The following USH2A variants were observed in gnomAD, a reference collection of about 807,000 sequenced individuals.
USH2A encodes Usher syndrome 2A (autosomal recessive, mild).
In USH2A, 443 loss-of-function variants were observed where a neutral mutation model predicts 538.9. That is an observed-to-expected ratio of 0.82 (90% CI 0.76 to 0.89). USH2A has a LOEUF of 0.89. USH2A is among the 40% of genes least tolerant of loss of function. USH2A has a pLI of 0.00. For missense variants in USH2A, 6,633 were observed against 6,324.8 expected, an observed-to-expected ratio of 1.05 and a Z score of -1.65; for synonymous variants, 2,413 against 2,273.5, an observed-to-expected ratio of 1.06 and a Z score of -1.75.
At chr1:215,693,092 A>ATGTGTGTG (rs60566275) in intron 61 of USH2A, among the ~76,000 whole-genome samples, 20,120 of 130,894 alleles carry the variant, frequency 0.15, 1,871 homozygotes, top group South Asian at 0.4. Context: ...ATATATATAT[A>ATGTGTGTG]TGTGTGTGTG....
At chr1:215,650,884 C>T (rs565104287) in intron 64 of USH2A, 83 bp from the exon 65 acceptor site, 17 of 1,503,556 alleles carry the variant, frequency 1.1e-5, no homozygotes, top group Admixed American at 6.0e-5. Context: ...GGAAAAAAAA[C>T]GAAATTGGCA....
intron 35 of USH2A, among the ~76,000 whole-genome samples, chr1:215,981,148 T>C (rs1558193435): frequency 1.3e-5 from 2 of 152,144 alleles, no homozygotes; most frequent in Admixed American, 6.5e-5. Context: ...TGGTATCTTG[T>C]TTGGGTATTA....
At chr1:215,943,021 C>A (rs1666674556) in intron 37 of USH2A, among the ~76,000 whole-genome samples, 1 of 152,152 alleles carries the variant, frequency 6.6e-6, no homozygotes, top group Non-Finnish European at 1.5e-5. Flanking sequence ...TGCATCTTCG[C>A]ACCCTCTAGC....
chr1:215,867,068 T>C lies in USH2A; in HGVS notation c.8784A>G (p.Gly2928=), dbSNP rs113259323. Residue 2928 remains glycine, a synonymous_variant, in exon 44 of 72, where the codon GGA becomes GGG. Coordinates refer to ENST00000307340, the MANE Select transcript of USH2A (RefSeq NM_206933.4). The stretch of plus-strand genomic sequence containing the variant: ...TAAGGACACTCGCAGTGAGATTGGC[T>C]CCTCTCTCTGGAAGACCAGCTAACG... ...VTTLAGLPER[G]ANLTASVLNH... is the part of the protein sequence containing the mutation. The C allele has an allele frequency of 6.2e-7, 1 of 1,614,142 alleles. No homozygotes were observed. The highest frequency in any genetic ancestry group is 8.5e-7 in the Non-Finnish European group (1 of 1,180,016).
rs539365629 is a variant in USH2A, at chr1:215,938,603, G to A, written c.7121-3808C>T. On this transcript the variant is annotated intron_variant, in intron 37 of 71. Coordinates refer to ENST00000307340, the MANE Select transcript of USH2A (RefSeq NM_206933.4). Reference sequence around the variant, plus strand: ...TGTCCTATCGCAGGCGACCATTCCTGTCTGGTTGGCCCTCCAATCTGACCC... The same window carrying A: ...TGTCCTATCGCAGGCGACCATTCCTATCTGGTTGGCCCTCCAATCTGACCC... Among the ~76,000 whole-genome samples the A allele has an allele frequency of 5.3e-5, 8 of 152,232 alleles. No individual in the cohort carries two copies. The South Asian group carries it at 1.2e-3, about 24-fold the overall frequency.
intron 13 of USH2A, among the ~76,000 whole-genome samples, chr1:216,233,084 C>A (rs2035733468): frequency 6.6e-6 from 1 of 152,118 alleles, no homozygotes; most frequent in Admixed American, 6.6e-5. Context: ...TTGGACATTT[C>A]ACTTCTCTAT....
At chr1:215,864,058 G>C (rs80285854) in intron 44 of USH2A, among the ~76,000 whole-genome samples, 1 of 152,136 alleles carries the variant, frequency 6.6e-6, no homozygotes, top group Admixed American at 6.5e-5. Context: ...TAGTGAATCA[G>C]CTTCAAAGGA....
chr1:215,758,503 T>A (rs989295278), intron 58 of USH2A, 92 bp downstream of exon 58: 1 of 1,482,492 alleles, frequency 6.7e-7, no homozygotes, highest in Admixed American at 1.7e-5. Context: ...TATGTCTTTC[T>A]GATTTACTAA....
intron 35 of USH2A, among the ~76,000 whole-genome samples, chr1:215,972,191 G>A (rs1464608475): frequency 6.6e-6 from 1 of 152,146 alleles, no homozygotes; most frequent in Admixed American, 6.5e-5. Flanking sequence ...ACTGTGAGGA[G>A]GACAGAAGCA....
intron 63 of USH2A, among the ~76,000 whole-genome samples, chr1:215,671,741 A>G (rs1247182716): frequency 6.6e-6 from 1 of 152,184 alleles, no homozygotes; most frequent in Non-Finnish European, 1.5e-5. Context: ...CAGACCTTAG[A>G]AAGTATGAAG....
chr1:216,139,073 ATTAC>A (rs1348921680), intron 21 of USH2A, among the ~76,000 whole-genome samples: 1 of 151,844 alleles, frequency 6.6e-6, no homozygotes, highest in Non-Finnish European at 1.5e-5. Context: ...GCCCCATCTT[ATTAC>A]TTATTTACAT....
intron 67 of USH2A, among the ~76,000 whole-genome samples, chr1:215,643,971 G>C (rs1258984956): frequency 1.3e-5 from 2 of 152,186 alleles, no homozygotes; most frequent in Non-Finnish European, 2.9e-5. Context: ...TGGCTTTCTG[G>C]CCACATCAAC....
At position 215,625,688 on chromosome 1, in the gene USH2A, G is replaced by A. The variant is rs554947542; in HGVS notation, c.*93C>T. 6.7e-5 allele frequency: 79 copies of A among 1,171,456 alleles called. No individual in the cohort carries two copies. The African/African-American group carries it at 1.1e-3, about 16-fold the overall frequency. 72.6% of individuals were successfully genotyped at this position (1,171,456 alleles called of 1,614,324 possible). ...AAGAATTATAGGATAATAAACAATG[G>A]CTTTTCAGCATTTATGATGTGTGAG... On this transcript the variant is annotated 3_prime_UTR_variant, in exon 72 of 72. Transcript: ENST00000307340.
Position 215,877,768 on chromosome 1 carries a change from C to A in USH2A, c.8671G>T (p.Gly2891Cys), listed in dbSNP as rs1316891540. The change falls in exon 43 of 72, where the codon GGT becomes TGT. Residue 2891 changes from glycine to cysteine, a missense_variant. Transcript: ENST00000307340. ...TTTTTGTAATCTCACCTGCTAAGAC[C>A]CTTATCTTCATAAAGCCACTGAGTT... ...SGTQWLYEDK[G>C]LSRFTTYEYM... The A allele has an allele frequency of 1.9e-6, 3 of 1,613,632 alleles. No homozygotes were observed. Among genetic ancestry groups the A allele is most frequent in the Non-Finnish European group, 2.5e-6 (3 of 1,179,636 alleles).
chr1:216,284,928 A>G (rs1022765636), intron 11 of USH2A, among the ~76,000 whole-genome samples: 3 of 152,152 alleles, frequency 2.0e-5, no homozygotes, highest in Non-Finnish European at 4.4e-5. Context: ...TCCCCTGGAG[A>G]TCTGCAGAGC....
chr1:215,999,707 C>T lies in USH2A; in HGVS notation c.6486-649G>A, dbSNP rs547527126. Among the ~76,000 whole-genome samples the T allele has an allele frequency of 2.0e-5, 3 of 152,164 alleles. No individual in the cohort carries two copies. The South Asian group carries it at 6.2e-4, about 31-fold the overall frequency. On this transcript the variant is annotated intron_variant, in intron 33 of 71. Coordinates refer to ENST00000307340, the MANE Select transcript of USH2A (RefSeq NM_206933.4). The stretch of plus-strand genomic sequence containing the variant: ...CCTGAGTCGTGGGAAATCTTTTTGG[C>T]TAAGTAACGTGGCTTGGCTTAGGGG...
chr1:216,416,285 TTTAA>T (rs1276025049), intron 3 of USH2A, among the ~76,000 whole-genome samples: 2 of 152,192 alleles, frequency 1.3e-5, no homozygotes, highest in East Asian at 3.9e-4. Flanking sequence ...ATAATTGCTC[TTTAA>T]TTTTCATTTG....
chr1:215,713,288 C>T (rs1659391255), intron 61 of USH2A, among the ~76,000 whole-genome samples: 1 of 152,162 alleles, frequency 6.6e-6, no homozygotes. Context: ...AGAGGTGCTG[C>T]CTCTCTGCGG....
At chr1:216,017,416 T>C (rs746274025) in intron 32 of USH2A, among the ~76,000 whole-genome samples, 2 of 152,232 alleles carry the variant, frequency 1.3e-5, no homozygotes, top group Non-Finnish European at 2.9e-5. Flanking sequence ...AGTTATTATT[T>C]GAACAAACTT....
Sources: allele counts gnomAD v4.1 joint callset (sites outside exome capture counted in the v4.1 genomes callset), GRCh38; gene constraint gnomAD v4.1.1; transcripts MANE v1.5; gene names NCBI Gene and HGNC (gene_info 2026-07-23, HGNC 2026-07-21).